CRACDL: variants seen among roughly 807,000 people sequenced by gnomAD.
CRACDL encodes the protein CRACD-like protein.
CRACDL carries 26 observed loss-of-function variants against 70.6 expected under a neutral mutation model. That is an observed-to-expected ratio of 0.37 (90% CI 0.27 to 0.51). CRACDL has a LOEUF of 0.51. Among genes scored for constraint, CRACDL ranks in the 20% least tolerant of loss-of-function variants. The pLI is 0.94. For synonymous variants in CRACDL, 618 were observed against 615.2 expected (o/e 1.00, Z -0.07); for missense variants, 1,283 against 1,376.9 (o/e 0.93, Z 1.08).
chr2:98,890,060 A>G (rs1377461117), intron 1 of CRACDL, among the ~76,000 whole-genome samples: 1 of 152,210 alleles, frequency 6.6e-6, no homozygotes, highest in Non-Finnish European at 1.5e-5. Flanking sequence ...AAAAAGAAGA[A>G]AAGTCTCAAA....
chr2:98,854,296 A>G (rs1415099288), intron 1 of CRACDL, among the ~76,000 whole-genome samples: 42 of 150,502 alleles, frequency 2.8e-4, no homozygotes, highest in Non-Finnish European at 4.3e-4. Flanking sequence ...AAAAAAAAAA[A>G]AAAAGAAAGA....
Position 98,797,441 on chromosome 2 carries a change from A to G in CRACDL, c.2513T>C (p.Leu838Ser), listed in dbSNP as rs757093944. The G allele has an allele frequency of 6.2e-7, 1 of 1,614,210 alleles. No individual in the cohort carries two copies. The highest frequency in any genetic ancestry group is 2.2e-5 in the East Asian group (1 of 44,880). ...GTCTTCCTGGTTGGGTGGCTGGTCC[A>G]AGGTCCCCCTCCGCTTCTGCCGAGT... is the stretch of plus-strand genomic sequence containing the variant. ...TVTRQKRRGT[L>S]DQPPNQEDKP... The change falls in exon 8 of 10, where the codon TTG becomes TCG. Residue 838 changes from leucine (L) to serine (S), a missense_variant. By Grantham distance (145) the Leu-to-Ser change is moderately radical. Coordinates refer to ENST00000397899, the MANE Select transcript of CRACDL (RefSeq NM_207362.3).
chr2:98,812,315 C>G, intron 7 of CRACDL, among the ~76,000 whole-genome samples: 1 of 152,228 alleles, frequency 6.6e-6, no homozygotes, highest in Middle Eastern at 3.4e-3. Context: ...TAGACATGAA[C>G]GTATGACTTT....
At chr2:98,800,133 G>C (rs1234702128) in intron 7 of CRACDL, among the ~76,000 whole-genome samples, 2 of 152,192 alleles carry the variant, frequency 1.3e-5, no homozygotes, top group African/African-American at 4.8e-5. Flanking sequence ...CCTTATATTT[G>C]AGGTGGGAAA....
rs566596654 is a variant in CRACDL at position 98,854,595 on chromosome 2, T to A, written c.-10-7785A>T. On this transcript the variant is annotated intron_variant, in intron 1 of 9. Transcript: ENST00000397899. ...TATCTTACAAAAATAAAACCACTTG[T>A]ATCTAGCATGTATAAAGAATCCCTA... Among the ~76,000 whole-genome samples the A allele has an allele frequency of 3.3e-5, 5 of 152,188 alleles. No individual in the cohort carries two copies. In the South Asian group the frequency reaches 8.4e-4, roughly 26 times the overall value.
In CRACDL at chr2:98,827,135, C is replaced by T. The variant is rs770700516; in HGVS notation, c.575G>A (p.Ser192Asn). 67 of 1,613,986 alleles carry T rather than the reference C, an allele frequency of 4.2e-5. No homozygotes were observed. The highest frequency in any genetic ancestry group is 5.6e-5 in the Non-Finnish European group (66 of 1,179,994). The change falls in exon 6 of 10, where the codon AGC becomes AAC. Residue 192 changes from serine (S) to asparagine (N), a missense_variant. Ser to Asn is a conservative substitution (Grantham distance 46). Around this residue, in one of 2 missense-constraint regions of CRACDL, gnomAD observed 362 missense variants for 495.0 expected, o/e 0.73. Transcript: ENST00000397899. The part of the protein sequence containing the change: ...SVVSPDHVSD[S>N]TVSARISDNS... ...GTCTGAGATCCGGGCAGAGACGGTG[C>T]TGTCGCTCACGTGGTCTGGAGACAC...
intron 2 of CRACDL, among the ~76,000 whole-genome samples, chr2:98,842,629 T>C (rs1280227887): frequency 2.0e-5 from 3 of 152,130 alleles, no homozygotes; most frequent in Non-Finnish European, 2.9e-5. Context: ...AATTTTGCCT[T>C]TTCTAGAATG....
At chr2:98,896,790 A>C (rs998567419) in intron 1 of CRACDL, among the ~76,000 whole-genome samples, 3 of 152,144 alleles carry the variant, frequency 2.0e-5, no homozygotes, top group Non-Finnish European at 4.4e-5. Flanking sequence ...AGCAGCCTGA[A>C]GCCATGGTTT....
chr2:98,851,073 A>G (rs1387601055), intron 1 of CRACDL, among the ~76,000 whole-genome samples: 1 of 152,202 alleles, frequency 6.6e-6, no homozygotes, highest in Non-Finnish European at 1.5e-5. Context: ...CACCCTACAG[A>G]TTCCCTAATC....
chr2:98,812,117 A>T (rs920549121), intron 7 of CRACDL, among the ~76,000 whole-genome samples: 4 of 152,214 alleles, frequency 2.6e-5, no homozygotes, highest in Non-Finnish European at 2.9e-5. Context: ...CTGGGACTAC[A>T]GGTGTGCACC....
At chr2:98,883,484 C>T (rs1382501476) in intron 1 of CRACDL, among the ~76,000 whole-genome samples, 1 of 152,220 alleles carries the variant, frequency 6.6e-6, no homozygotes, top group Non-Finnish European at 1.5e-5. Flanking sequence ...GCTGAAAGTT[C>T]TCAGGCGCCT....
At chr2:98,866,820 C>G (rs755892285) in intron 1 of CRACDL, among the ~76,000 whole-genome samples, 7 of 152,024 alleles carry the variant, frequency 4.6e-5, no homozygotes, top group Non-Finnish European at 1.0e-4. Context: ...TCACCCAACA[C>G]ATTAATGCCT....
chr2:98,813,433 A>T (rs1162544146), intron 7 of CRACDL, among the ~76,000 whole-genome samples: 7 of 150,242 alleles, frequency 4.7e-5, no homozygotes, highest in Non-Finnish European at 1.5e-5. Flanking sequence ...ACTCTGTCTT[A>T]AAAAAAAATT....
chr2:98,862,684 CAGA>C (rs1208037978), intron 1 of CRACDL, among the ~76,000 whole-genome samples: 1 of 151,932 alleles, frequency 6.6e-6, no homozygotes, highest in Non-Finnish European at 1.5e-5. Flanking sequence ...TATGAGCAGG[CAGA>C]AGAAGAATCT....
At chr2:98,833,787 T>C (rs1375776836) in intron 3 of CRACDL, among the ~76,000 whole-genome samples, 1 of 152,190 alleles carries the variant, frequency 6.6e-6, no homozygotes, top group Admixed American at 6.5e-5. Context: ...GATCTGATGA[T>C]GAAGGAAGGA....
At chr2:98,919,669 A>C (rs1231617891) in intron 1 of CRACDL, among the ~76,000 whole-genome samples, 1 of 152,262 alleles carries the variant, frequency 6.6e-6, no homozygotes, top group Non-Finnish European at 1.5e-5. Flanking sequence ...CAGATATATT[A>C]ACTTTTATAT....
chr2:98,832,417 G>A lies in CRACDL; in HGVS notation c.471C>T (p.Asp157=), dbSNP rs751150288. ...RGEDAGMSSE[D]DGLPRSPPEM... ...CTGGGGGGCTCCTGGGCAGCCCGTC[G>A]TCCTCAGAGCTCATGCCGGCATCCT... The change falls in exon 5 of 10, where the codon GAC becomes GAT. Residue 157 remains aspartate, a synonymous_variant. Transcript: ENST00000397899. 61 of 1,614,030 alleles carry A rather than the reference G, an allele frequency of 3.8e-5. No individual in the cohort carries two copies. The highest frequency in any genetic ancestry group is 1.3e-4 in the East Asian group (6 of 44,880).
chr2:98,810,796 G>A (rs1330803210), intron 7 of CRACDL, among the ~76,000 whole-genome samples: 1 of 152,108 alleles, frequency 6.6e-6, no homozygotes, highest in Non-Finnish European at 1.5e-5. Flanking sequence ...AGAAACAACC[G>A]TGTAAATACA....
intron 1 of CRACDL, among the ~76,000 whole-genome samples, chr2:98,851,966 A>G (rs1179539967): frequency 1.3e-5 from 2 of 152,160 alleles, no homozygotes; most frequent in Non-Finnish European, 2.9e-5. Flanking sequence ...ACTTAAAAAA[A>G]GGGAATTGCA....
Sources: gnomAD v4.1 joint callset for allele counts (sites outside exome capture counted in the v4.1 genomes callset) on GRCh38, gnomAD v4.1.1 for gene constraint, gnomAD v4.1.1 regional missense constraint, MANE v1.5 for transcripts, NCBI Gene and HGNC (gene_info 2026-07-23, HGNC 2026-07-21) for gene names.